Variants in EPHA3 observed in about 807,000 individuals in gnomAD.
EPHA3 encodes EPH receptor A3.
Under a neutral mutation model 107.1 loss-of-function variants are expected in EPHA3, and 42 were observed. The ratio of observed to expected loss-of-function variants is 0.39; its 90% CI spans 0.31 to 0.51. The LOEUF (loss-of-function observed/expected upper bound fraction) is 0.51, where lower values mean the gene tolerates loss of function less well. EPHA3 is among the 20% of genes least tolerant of loss of function. The pLI is 0.78. For synonymous variants in EPHA3, 461 were observed against 424.8 expected (o/e 1.09, Z -1.05); for missense variants, 1,183 against 1,211.2 (o/e 0.98, Z 0.35).
rs540739696 is a variant in EPHA3 at position 89,405,609 on chromosome 3, A to G, written c.1595-1660A>G. Among the ~76,000 whole-genome samples the G allele has an allele frequency of 2.2e-4, 34 of 152,270 alleles. No homozygotes were observed. In the South Asian group the frequency reaches 6.8e-3, roughly 31 times the overall value. Reference sequence around the variant, plus strand: ...CACGTTTCTTTTCTTGCATTATTTAACTAACCCTAAAACCACATATTTTAG... The same window carrying G: ...CACGTTTCTTTTCTTGCATTATTTAGCTAACCCTAAAACCACATATTTTAG... On this transcript the variant is annotated intron_variant, in intron 7 of 16. Coordinates refer to ENST00000336596, the MANE Select transcript of EPHA3 (RefSeq NM_005233.6).
chr3:89,195,731 C>T (rs1161019525), intron 2 of EPHA3, among the ~76,000 whole-genome samples: 1 of 152,144 alleles, frequency 6.6e-6, no homozygotes. Context: ...AACAAGTCCT[C>T]ATTACCTGTC....
At chr3:89,236,765 T>TCAC (rs1171974744) in intron 3 of EPHA3, among the ~76,000 whole-genome samples, 5 of 152,176 alleles carry the variant, frequency 3.3e-5, no homozygotes, top group Non-Finnish European at 7.3e-5. Context: ...AATTCACATC[T>TCAC]ATAATAGTAA....
intron 2 of EPHA3, among the ~76,000 whole-genome samples, chr3:89,160,330 A>G (rs769622046): frequency 1.3e-5 from 2 of 152,058 alleles, no homozygotes; most frequent in Non-Finnish European, 2.9e-5. Flanking sequence ...AGTGTAGCAT[A>G]TCTTGTTAGT....
intron 2 of EPHA3, among the ~76,000 whole-genome samples, chr3:89,203,007 G>A (rs1706008836): frequency 6.6e-6 from 1 of 152,126 alleles, no homozygotes; most frequent in South Asian, 2.1e-4. Context: ...CAAATCTGGA[G>A]TGAAAAACCA....
chr3:89,133,016 A>C (rs948678601), intron 2 of EPHA3, among the ~76,000 whole-genome samples: 1 of 152,244 alleles, frequency 6.6e-6, no homozygotes, highest in Non-Finnish European at 1.5e-5. Context: ...ATTTCTATGC[A>C]TCTAAGAATA....
chr3:89,456,131 T>C (rs990884610), intron 15 of EPHA3, among the ~76,000 whole-genome samples: 1 of 152,176 alleles, frequency 6.6e-6, no homozygotes, highest in Non-Finnish European at 1.5e-5. Flanking sequence ...TCTGAACAGA[T>C]TTTTTTAATA....
chr3:89,156,140 G>C (rs1704801628), intron 2 of EPHA3, among the ~76,000 whole-genome samples: 1 of 152,018 alleles, frequency 6.6e-6, no homozygotes, highest in African/African-American at 2.4e-5. Context: ...ACAAAAACAT[G>C]AGCACTAAGT....
intron 3 of EPHA3, among the ~76,000 whole-genome samples, chr3:89,280,168 C>A (rs1234226979): frequency 2.0e-5 from 3 of 151,866 alleles, no homozygotes; most frequent in Non-Finnish European, 4.4e-5. Context: ...TATTTATTTC[C>A]TGCAAAAATA....
chr3:89,448,250 C>T (rs1709917664), intron 13 of EPHA3, among the ~76,000 whole-genome samples: 1 of 152,080 alleles, frequency 6.6e-6, no homozygotes, highest in African/African-American at 2.4e-5. Context: ...TCAAAATTTT[C>T]ATTTTACTGG....
At chr3:89,358,770 T>C (rs1040309358) in intron 5 of EPHA3, among the ~76,000 whole-genome samples, 1 of 151,248 alleles carries the variant, frequency 6.6e-6, no homozygotes, top group Non-Finnish European at 1.5e-5. Context: ...TTACACATGA[T>C]GCTAAAAAAC....
chr3:89,211,957 G>A (rs1382231005), intron 3 of EPHA3, among the ~76,000 whole-genome samples: 7 of 151,710 alleles, frequency 4.6e-5, no homozygotes, highest in Non-Finnish European at 8.8e-5. Context: ...AAATATTGGC[G>A]ACTAAAGAAC....
intron 3 of EPHA3, among the ~76,000 whole-genome samples, chr3:89,327,681 G>A (rs1707195087): frequency 6.6e-6 from 1 of 151,966 alleles, no homozygotes; most frequent in Non-Finnish European, 1.5e-5. Flanking sequence ...GTTTTTTTAG[G>A]CATCTTTTCT....
At chr3:89,123,918 A>C (rs1306118180) in intron 1 of EPHA3, among the ~76,000 whole-genome samples, 1 of 152,214 alleles carries the variant, frequency 6.6e-6, no homozygotes, top group East Asian at 1.9e-4. Context: ...TAGAATATGA[A>C]ATCTGGGAAG....
At chr3:89,470,499 A>G (rs1710377350) in intron 15 of EPHA3, among the ~76,000 whole-genome samples, 1 of 152,178 alleles carries the variant, frequency 6.6e-6, no homozygotes, top group Non-Finnish European at 1.5e-5. Flanking sequence ...TTTGTGTGAA[A>G]TTGATATCCT....
At chr3:89,383,938 G>T (rs1328553290) in intron 5 of EPHA3, among the ~76,000 whole-genome samples, 1 of 151,752 alleles carries the variant, frequency 6.6e-6, no homozygotes, top group Admixed American at 6.6e-5. Flanking sequence ...GTGAGCCACC[G>T]CACCTAGCCA....
chr3:89,248,189 A>G (rs749322332), intron 3 of EPHA3, among the ~76,000 whole-genome samples: 3 of 152,144 alleles, frequency 2.0e-5, no homozygotes, highest in Non-Finnish European at 4.4e-5. Flanking sequence ...CATGAAATCC[A>G]TGCCCATTTT....
intron 3 of EPHA3, among the ~76,000 whole-genome samples, chr3:89,250,711 T>C (rs1443877705): frequency 2.0e-5 from 3 of 152,200 alleles, no homozygotes; most frequent in Non-Finnish European, 2.9e-5. Flanking sequence ...ATGGCATCAC[T>C]GCCCATTAGC....
chr3:89,143,512 A>G (rs1286832391), intron 2 of EPHA3, among the ~76,000 whole-genome samples: 2 of 151,634 alleles, frequency 1.3e-5, no homozygotes, highest in African/African-American at 4.8e-5. Context: ...AAGTCAAGAA[A>G]GAATATGGTC....
chr3:89,264,765 A>G (rs184492617), intron 3 of EPHA3, among the ~76,000 whole-genome samples: 1 of 152,170 alleles, frequency 6.6e-6, no homozygotes, highest in South Asian at 2.1e-4. Flanking sequence ...AATAAATAAG[A>G]TGGAATTCTG....
Sources: gnomAD v4.1 joint callset for allele counts (sites outside exome capture counted in the v4.1 genomes callset) on GRCh38, gnomAD v4.1.1 for gene constraint, MANE v1.5 for transcripts, NCBI Gene and HGNC (gene_info 2026-07-23, HGNC 2026-07-21) for gene names.